The following DENND2C variants were observed in gnomAD, a reference collection of about 807,000 sequenced individuals.
The protein encoded by DENND2C is DENN domain-containing protein 2C.
Under a neutral mutation model 112.4 loss-of-function variants are expected in DENND2C, and 72 were observed. The observed-to-expected ratio is 0.64, with a 90% CI of 0.53 to 0.78. The LOEUF (loss-of-function observed/expected upper bound fraction) is 0.78, where lower values mean the gene tolerates loss of function less well. Among genes scored for constraint, DENND2C ranks in the 30% least tolerant of loss-of-function variants. The probability of loss-of-function intolerance (pLI) is 0.00; values close to 1 mark genes in which losing one functional copy is unlikely to be tolerated. For missense variants in DENND2C, 992 were observed against 1,113.8 expected (o/e 0.89, Z 1.56); for synonymous variants, 329 against 381.6 (o/e 0.86, Z 1.61).
chr1:114,647,932 C>T (rs539126074), intron 2 of DENND2C, among the ~76,000 whole-genome samples: 28 of 152,044 alleles, frequency 1.8e-4, no homozygotes, highest in Admixed American at 1.2e-3. Context: ...CTCAGCCTCC[C>T]GAGTAGCTGA....
At chr1:114,655,360 T>C (rs1657279337) in intron 1 of DENND2C, among the ~76,000 whole-genome samples, 1 of 152,226 alleles carries the variant, frequency 6.6e-6, no homozygotes, top group Non-Finnish European at 1.5e-5. Flanking sequence ...AGATTATTGA[T>C]AGATGAGAAG....
intron 17 of DENND2C, among the ~76,000 whole-genome samples, chr1:114,594,789 A>C (rs905288005): frequency 6.6e-6 from 1 of 152,058 alleles, no homozygotes; most frequent in Non-Finnish European, 1.5e-5. Context: ...ACTTTGTAAA[A>C]TTTTCTGGCA....
At chr1:114,607,657 TC>T (rs1655695175) in intron 10 of DENND2C, among the ~76,000 whole-genome samples, 1 of 152,114 alleles carries the variant, frequency 6.6e-6, no homozygotes, top group Non-Finnish European at 1.5e-5. Flanking sequence ...CATCATCTAA[TC>T]CTGGCAAATA....
intron 7 of DENND2C, among the ~76,000 whole-genome samples, chr1:114,620,212 A>G (rs1305290015): frequency 2.0e-5 from 3 of 152,192 alleles, no homozygotes; most frequent in Non-Finnish European, 4.4e-5. Flanking sequence ...CATAAGGGAC[A>G]TCCTAAAAAG....
chr1:114,657,515 G>C (rs138684599), intron 1 of DENND2C, among the ~76,000 whole-genome samples: 1 of 152,168 alleles, frequency 6.6e-6, no homozygotes, highest in East Asian at 1.9e-4. Context: ...TGGAATCATG[G>C]AAGCCAAAGG....
At position 114,625,258 on chromosome 1, in the gene DENND2C, A is replaced by G. The variant is rs778490946; in HGVS notation, c.727T>C (p.Cys243Arg). The change falls in exon 4 of 21, where the codon TGT becomes CGT. Residue 243 changes from cysteine (C) to arginine (R), a missense_variant. Physicochemically the swap from Cys to Arg is radical, Grantham distance 180. Coordinates refer to ENST00000393274, the MANE Select transcript of DENND2C (RefSeq NM_001256404.2). The part of the protein sequence containing the change: ...CDKKYCENNS[C>R]AQSSLASSQE... ...GAAGAGGCCAAAGAAGATTGTGCAC[A>G]AGAGTTATTTTCACAGTATTTTTTG... 6.2e-6 allele frequency: 10 copies of G among 1,614,044 alleles called. No homozygotes were observed. Among genetic ancestry groups the G allele is most frequent in the Non-Finnish European group, 8.5e-6 (10 of 1,180,028 alleles).
At chr1:114,634,327 TTTTC>T (rs1469883275) in intron 3 of DENND2C, among the ~76,000 whole-genome samples, 2 of 152,120 alleles carry the variant, frequency 1.3e-5, no homozygotes, top group Admixed American at 6.6e-5. Flanking sequence ...GTACATACTC[TTTTC>T]TTTCTTTTTT....
intron 18 of DENND2C, among the ~76,000 whole-genome samples, chr1:114,591,261 C>G (rs762326675): frequency 6.6e-5 from 10 of 152,054 alleles, no homozygotes; most frequent in Non-Finnish European, 1.2e-4. Flanking sequence ...AACCACAGTG[C>G]CTGGACAGAT....
At chr1:114,635,000 C>T (rs1470968553) in intron 3 of DENND2C, among the ~76,000 whole-genome samples, 1 of 145,264 alleles carries the variant, frequency 6.9e-6, no homozygotes, top group Non-Finnish European at 1.5e-5. Flanking sequence ...TGCACTCCAG[C>T]CTGAGTGATA....
chr1:114,661,040 G>A (rs2101698435), intron 1 of DENND2C, among the ~76,000 whole-genome samples: 1 of 151,446 alleles, frequency 6.6e-6, no homozygotes, highest in South Asian at 2.1e-4. Flanking sequence ...GAACCCGGGA[G>A]GCGGAGGTTG....
At chr1:114,631,531 C>T (rs1037573286) in intron 3 of DENND2C, among the ~76,000 whole-genome samples, 5 of 152,064 alleles carry the variant, frequency 3.3e-5, no homozygotes, top group African/African-American at 9.7e-5. Flanking sequence ...CGCCTGTAAT[C>T]CCAGCACTTT....
At chr1:114,629,456 T>A (rs1304179224) in intron 3 of DENND2C, among the ~76,000 whole-genome samples, 1 of 152,122 alleles carries the variant, frequency 6.6e-6, no homozygotes, top group Non-Finnish European at 1.5e-5. Context: ...TTTTTATGTT[T>A]TTAGTAGAGA....
At chr1:114,649,786 T>C (rs752153824) in intron 2 of DENND2C, among the ~76,000 whole-genome samples, 6 of 152,096 alleles carry the variant, frequency 3.9e-5, no homozygotes, top group Non-Finnish European at 5.9e-5. Flanking sequence ...TGAAGAAATT[T>C]TCCAAAAGCT....
chr1:114,646,705 A>G (rs1275725938), intron 2 of DENND2C, among the ~76,000 whole-genome samples: 1 of 152,184 alleles, frequency 6.6e-6, no homozygotes, highest in East Asian at 1.9e-4. Context: ...GAAAAGCTTA[A>G]TTTATTTTTA....
At chr1:114,603,940 G>A (rs1655588813) in intron 11 of DENND2C, among the ~76,000 whole-genome samples, 2 of 152,182 alleles carry the variant, frequency 1.3e-5, no homozygotes, top group Non-Finnish European at 2.9e-5. Context: ...TGAGTAACCA[G>A]ACTGCCAGTG....
At chr1:114,659,244 T>C (rs1657418666) in intron 1 of DENND2C, among the ~76,000 whole-genome samples, 1 of 152,208 alleles carries the variant, frequency 6.6e-6, no homozygotes, top group African/African-American at 2.4e-5. Context: ...CTCACGCCTA[T>C]AACCCCAGCA....
intron 8 of DENND2C, among the ~76,000 whole-genome samples, chr1:114,617,056 G>A (rs1289949933): frequency 6.6e-6 from 1 of 152,126 alleles, no homozygotes; most frequent in Non-Finnish European, 1.5e-5. Context: ...TCACTCTCAT[G>A]AGAATAGCAC....
chr1:114,629,484 G>GGCCA (rs1330211872), intron 3 of DENND2C, among the ~76,000 whole-genome samples: 5 of 152,082 alleles, frequency 3.3e-5, no homozygotes, highest in Admixed American at 2.0e-4. Context: ...TCACCATGTT[G>GGCCA]GCCAGGCTGG....
chr1:114,617,729 C>A (rs1420431940), intron 8 of DENND2C, among the ~76,000 whole-genome samples: 6 of 150,222 alleles, frequency 4.0e-5, no homozygotes, highest in African/African-American at 1.5e-4. Context: ...TTTAAAATAT[C>A]CTCAGAGAAA....
Sources: allele counts gnomAD v4.1 joint callset (sites outside exome capture counted in the v4.1 genomes callset), GRCh38; gene constraint gnomAD v4.1.1; transcripts MANE v1.5; gene names NCBI Gene and HGNC (gene_info 2026-07-23, HGNC 2026-07-21).